The following TNFRSF1B variants were observed in gnomAD, a reference collection of about 807,000 sequenced individuals.
TNFRSF1B encodes TNF receptor superfamily member 1B.
In TNFRSF1B, 19 loss-of-function variants were observed where a neutral mutation model predicts 44.6. The ratio of observed to expected loss-of-function variants is 0.43; its 90% CI spans 0.30 to 0.62. The LOEUF is 0.62. Among genes scored for constraint, TNFRSF1B ranks in the 20% least tolerant of loss-of-function variants. TNFRSF1B has a pLI of 0.16. For missense variants in TNFRSF1B, 541 were observed against 619.9 expected (o/e 0.87, Z 1.35); for synonymous variants, 252 against 261.1 (o/e 0.97, Z 0.34).
At chr1:12,202,578 C>T (rs1318545017) in intron 9 of TNFRSF1B, among the ~76,000 whole-genome samples, 1 of 152,206 alleles carries the variant, frequency 6.6e-6, no homozygotes, top group African/African-American at 2.4e-5. Context: ...ACCTGGTGAG[C>T]CTGGATCATC....
chr1:12,196,362 C>T (rs1055312200), intron 8 of TNFRSF1B, among the ~76,000 whole-genome samples: 4 of 152,132 alleles, frequency 2.6e-5, no homozygotes, highest in Admixed American at 1.3e-4. Context: ...GGGGCTGTCC[C>T]GTGCTATTCA....
Position 12,168,257 on chromosome 1 carries a change from G to A in TNFRSF1B, c.78+1088G>A, listed in dbSNP as rs5745958. Among the ~76,000 whole-genome samples the A allele has an allele frequency of 3.2e-3, 483 of 152,334 alleles. No individual in the cohort carries two copies. The highest frequency in any genetic ancestry group is 6.8e-3 in the Middle Eastern group (2 of 294). ...TCTGCCCCCATCTGACATCTTGACC[G>A]AGGAGGAAGGTGGGAGGTGGCACTG... On this transcript the variant is annotated intron_variant, in intron 1 of 9. Coordinates refer to ENST00000376259, the MANE Select transcript of TNFRSF1B (RefSeq NM_001066.3). The surrounding 1 kb of genome is among the most constrained non-coding windows in gnomAD (Gnocchi z 4.7).
chr1:12,189,050 C>T (rs566416863), intron 2 of TNFRSF1B, among the ~76,000 whole-genome samples, 155 bp downstream of exon 2: 21 of 152,232 alleles, frequency 1.4e-4, no homozygotes, highest in Admixed American at 2.6e-4. Flanking sequence ...TGTGAACATG[C>T]TGTTCCCTCT....
chr1:12,174,215 C>CTTCTCCTTCTCCTTCTCCTTCTCT, intron 1 of TNFRSF1B, among the ~76,000 whole-genome samples: 1 of 140,798 alleles, frequency 7.1e-6, no homozygotes, highest in Non-Finnish European at 1.5e-5. Context: ...TCTCCTTCTC[C>CTTCTCCTTCTCCTTCTCCTTCTCT]TTCTCCTTCT....
In TNFRSF1B at chr1:12,201,772, AAC is replaced by A. The variant is rs150468927; in HGVS notation, c.901-191_901-190del. On this transcript the variant is annotated intron_variant, in intron 8 of 9. Transcript: ENST00000376259. ...AGAGCAGCTGGGTGCTAATAACAGAAACACAGAAACCACGGAGAATCACACCT... is the reference window on the plus strand; with the variant it reads ...AGAGCAGCTGGGTGCTAATAACAGAAACAGAAACCACGGAGAATCACACCT... Among the ~76,000 whole-genome samples the A allele has an allele frequency of 5.5e-4, 84 of 152,326 alleles. No homozygotes were observed. The East Asian group carries it at 0.014, about 26-fold the overall frequency.
intron 8 of TNFRSF1B, among the ~76,000 whole-genome samples, chr1:12,198,691 G>GTTTTTGTTTTT (rs1639322622): frequency 2.3e-5 from 2 of 85,652 alleles, no homozygotes; most frequent in Non-Finnish European, 4.4e-5. Context: ...CTGGAATTCT[G>GTTTTTGTTTTT]TTTTTTTTTT....
chr1:12,188,306 C>G (rs187973084), intron 1 of TNFRSF1B, among the ~76,000 whole-genome samples: 1 of 152,072 alleles, frequency 6.6e-6, no homozygotes, highest in Non-Finnish European at 1.5e-5. Context: ...TAGAGAGAGC[C>G]GAGAGGAGGA....
chr1:12,193,824 G>T, intron 6 of TNFRSF1B, 131 bp from the exon 7 acceptor site: 1 of 681,246 alleles, frequency 1.5e-6, no homozygotes, highest in South Asian at 1.7e-5. Context: ...TTGGATTTGA[G>T]AATCTCCGGC....
At chr1:12,181,344 C>T (rs1372611609) in intron 1 of TNFRSF1B, among the ~76,000 whole-genome samples, 1 of 152,138 alleles carries the variant, frequency 6.6e-6, no homozygotes, top group Non-Finnish European at 1.5e-5. Context: ...TTGCAGGCCC[C>T]TTGCAGCGCC....
chr1:12,169,331 G>A lies in TNFRSF1B; in HGVS notation c.78+2162G>A, dbSNP rs1186000361. 6.6e-6 allele frequency among the ~76,000 whole-genome samples: 1 copy of A among 152,168 alleles called. No homozygotes were observed. Among genetic ancestry groups the A allele is most frequent in the African/African-American group, 2.4e-5 (1 of 41,434 alleles). On this transcript the variant is annotated intron_variant, in intron 1 of 9. Transcript: ENST00000376259. This position sits in a 1 kb window ranked among gnomAD's most constrained non-coding sequence, Gnocchi z 4.5. ...ATTTCTGAACACCCACTAAACACCAGGCACTGGGCTAGGTACTTTGTCACA... is the reference window on the plus strand; with the variant it reads ...ATTTCTGAACACCCACTAAACACCAAGCACTGGGCTAGGTACTTTGTCACA...
At chr1:12,191,653 T>G in intron 3 of TNFRSF1B, 121 bp from the exon 4 acceptor site, 1 of 1,277,122 alleles carries the variant, frequency 7.8e-7, no homozygotes. Flanking sequence ...GTGTGCCCCA[T>G]GCTGAGGCGG....
At chr1:12,183,687 TCTATCTATCTATCTATCTATCTATTCTA>T (rs1557628799) in intron 1 of TNFRSF1B, among the ~76,000 whole-genome samples, 1 of 127,138 alleles carries the variant, frequency 7.9e-6, no homozygotes, top group Non-Finnish European at 1.8e-5. Context: ...TATCTATCTA[TCTATCTATCTATCTATCTATCTATTCTA>T]TCTACCTATC....
intron 9 of TNFRSF1B, among the ~76,000 whole-genome samples, chr1:12,203,498 C>T (rs965558989): frequency 2.6e-5 from 4 of 152,176 alleles, no homozygotes; most frequent in African/African-American, 9.7e-5. Context: ...CCCCCAACTG[C>T]CCACAGGAGC....
At chr1:12,190,896 T>C in intron 2 of TNFRSF1B, 61 bp from the exon 3 acceptor site, 1 of 1,575,564 alleles carries the variant, frequency 6.3e-7, no homozygotes, top group Non-Finnish European at 8.6e-7. Context: ...GGACAGTGGA[T>C]GAGCCCAGGG....
In TNFRSF1B at chr1:12,169,787, T is replaced by C. The variant is rs1235830955; in HGVS notation, c.78+2618T>C. 1.3e-5 allele frequency among the ~76,000 whole-genome samples: 2 copies of C among 152,250 alleles called. No homozygotes were observed. The highest frequency in any genetic ancestry group is 2.1e-4 in the South Asian group (1 of 4,836). Reference sequence around the variant, plus strand: ...GCCAGTAAACCTGGCAGTAGGTGAGTGCTTGGTGCCCTCTGATGGGGATGA... The same window carrying C: ...GCCAGTAAACCTGGCAGTAGGTGAGCGCTTGGTGCCCTCTGATGGGGATGA... On this transcript the variant is annotated intron_variant, in intron 1 of 9. Transcript: ENST00000376259. The surrounding 1 kb of genome is among the most constrained non-coding windows in gnomAD (Gnocchi z 4.5).
Position 12,207,370 on chromosome 1 carries a change from T to G in TNFRSF1B, c.*350T>G, listed in dbSNP as rs996367156. 16 of 253,876 alleles carry G rather than the reference T, an allele frequency of 6.3e-5. No homozygotes were observed. Among genetic ancestry groups the G allele is most frequent in the Admixed American group, 1.1e-4 (2 of 18,308 alleles). 15.7% of individuals were successfully genotyped at this position (253,876 alleles called of 1,614,324 possible). On this transcript the variant is annotated 3_prime_UTR_variant, in exon 10 of 10. Coordinates refer to ENST00000376259, the MANE Select transcript of TNFRSF1B (RefSeq NM_001066.3). ...GGAGCCCTTGGGTTTTTTGTTTGTTTGTTTGTTTGTTTGTTTGTTTCTCCC... is the reference window on the plus strand; with the variant it reads ...GGAGCCCTTGGGTTTTTTGTTTGTTGGTTTGTTTGTTTGTTTGTTTCTCCC...
chr1:12,181,783 C>T (rs1018489007), intron 1 of TNFRSF1B, among the ~76,000 whole-genome samples: 1 of 152,202 alleles, frequency 6.6e-6, no homozygotes, highest in African/African-American at 2.4e-5. Context: ...TCCAGAGGCC[C>T]AGGACCAGCC....
Position 12,193,029 on chromosome 1 carries a change from T to C in TNFRSF1B, c.718T>C (p.Ser240Pro). ...AGAACCCAGCACTGCTCCAAGCACCTCCTTCCTGCTCCCAATGGGCCCCAG... is the reference window on the plus strand; with the variant it reads ...AGAACCCAGCACTGCTCCAAGCACCCCCTTCCTGCTCCCAATGGGCCCCAG... ...TPEPSTAPST[S>P]FLLPMGPSPP... Residue 240 changes from serine to proline, a missense_variant, in exon 6 of 10, where the codon TCC (serine) becomes CCC (proline). By Grantham distance (74) the Ser-to-Pro change is moderately conservative (BLOSUM62 -1). Coordinates refer to ENST00000376259, the MANE Select transcript of TNFRSF1B (RefSeq NM_001066.3). 1.2e-6 allele frequency: 2 copies of C among 1,614,144 alleles called. No individual in the cohort carries two copies. Among genetic ancestry groups the C allele is most frequent in the Non-Finnish European group, 8.5e-7 (1 of 1,180,018 alleles).
chr1:12,196,067 G>A (rs1315879506), intron 8 of TNFRSF1B, among the ~76,000 whole-genome samples: 1 of 152,160 alleles, frequency 6.6e-6, no homozygotes, highest in Non-Finnish European at 1.5e-5. Flanking sequence ...TTGGAAGGCC[G>A]AGGTAGATGG....
Sources: allele counts gnomAD v4.1 joint callset (sites outside exome capture counted in the v4.1 genomes callset), GRCh38; gene constraint gnomAD v4.1.1; non-coding constraint Gnocchi (gnomAD v3.1); transcripts MANE v1.5; gene names NCBI Gene and HGNC (gene_info 2026-07-23, HGNC 2026-07-21).